CBFA2T3: variants seen among roughly 807,000 people sequenced by gnomAD.
CBFA2T3 encodes the protein CBFA2/RUNX1 partner transcriptional co-repressor 3.
CBFA2T3 carries 31 observed loss-of-function variants against 58.6 expected under a neutral mutation model. The observed-to-expected ratio is 0.53, with a 90% CI of 0.40 to 0.71. The LOEUF (loss-of-function observed/expected upper bound fraction) is 0.71, where lower values mean the gene tolerates loss of function less well. CBFA2T3 is among the 30% of genes least tolerant of loss of function. The pLI is 0.00. For missense variants in CBFA2T3, 1,076 were observed against 963.1 expected (o/e 1.12, Z -1.55); for synonymous variants, 531 against 421.9 (o/e 1.26, Z -3.17).
intron 1 of CBFA2T3, among the ~76,000 whole-genome samples, chr16:88,916,129 C>T (rs1970712806): frequency 6.7e-6 from 1 of 149,958 alleles, no homozygotes; most frequent in African/African-American, 2.5e-5. Context: ...TGTGTGCACT[C>T]ACGTGTACAT....
chr16:88,880,917 T>C, intron 9 of CBFA2T3, 129 bp from the exon 10 acceptor site: 2 of 866,546 alleles, frequency 2.3e-6, no homozygotes, highest in Non-Finnish European at 3.7e-6. Context: ...GAGGCCCAGG[T>C]GCCCTCGGAC....
At position 88,976,850 on chromosome 16, in the gene CBFA2T3, G is replaced by C. The variant is rs992187942; in HGVS notation, c.-43C>G. ...GGGGCCAACCTGGAGCCCAGGACAG[G>C]CCTCTACCAGGACTGCCTTTCCCGA... On this transcript the variant is annotated 5_prime_UTR_variant, in exon 1 of 12. Transcript: ENST00000268679. The C allele has an allele frequency of 2.0e-6, 3 of 1,522,530 alleles. No individual in the cohort carries two copies. Among genetic ancestry groups the C allele is most frequent in the Middle Eastern group, 1.7e-4 (1 of 5,876 alleles). 94.3% of individuals were successfully genotyped at this position (1,522,530 alleles called of 1,614,324 possible). A position where few individuals can be genotyped will look rare whatever the true frequency, so the allele number is the denominator to read the frequency against.
In CBFA2T3 at chr16:88,921,680, G is replaced by A. The variant is rs1302035614; in HGVS notation, c.152-20024C>T. Among the ~76,000 whole-genome samples, 4 of 152,356 alleles carry A rather than the reference G, an allele frequency of 2.6e-5. No individual in the cohort carries two copies. The East Asian group carries it at 7.7e-4, about 29-fold the overall frequency. ...TAAGGCTGGGGTGGTAGGAGGATAAGAGTCACCCTAAACAGGACCCCTGGG... is the reference window on the plus strand; with the variant it reads ...TAAGGCTGGGGTGGTAGGAGGATAAAAGTCACCCTAAACAGGACCCCTGGG... On this transcript the variant is annotated intron_variant, in intron 1 of 11. Transcript: ENST00000268679.
At chr16:88,904,888 C>G (rs535214206) in intron 1 of CBFA2T3, among the ~76,000 whole-genome samples, 1 of 152,154 alleles carries the variant, frequency 6.6e-6, no homozygotes, top group Non-Finnish European at 1.5e-5. Context: ...AGGAAGATGA[C>G]GCGGAGTTCC....
rs1400097010 is a variant in CBFA2T3, at chr16:88,976,966, C to T, written c.-159G>A. The T allele has an allele frequency of 1.4e-5, 11 of 808,616 alleles. No individual in the cohort carries two copies. Among genetic ancestry groups the T allele is most frequent in the South Asian group, 8.0e-5 (4 of 49,690 alleles). 50.1% of individuals were successfully genotyped at this position (808,616 alleles called of 1,614,324 possible). ...TGTCCCTGGAAAGCCGAGGCCCTCC[C>T]GGCCACCAACTGGGTGTCCTCTGCC... On this transcript the variant is annotated 5_prime_UTR_variant, in exon 1 of 12. Transcript: ENST00000268679.
At chr16:88,927,645 AG>A (rs1282850159) in intron 1 of CBFA2T3, among the ~76,000 whole-genome samples, 3 of 152,110 alleles carry the variant, frequency 2.0e-5, no homozygotes, top group South Asian at 4.1e-4. Context: ...CTGCAGCTGT[AG>A]GGGGGTTCAG....
At chr16:88,891,073 T>C (rs1969610841) in intron 5 of CBFA2T3, among the ~76,000 whole-genome samples, 1 of 152,142 alleles carries the variant, frequency 6.6e-6, no homozygotes, top group Non-Finnish European at 1.5e-5. Flanking sequence ...CCACGGTTGA[T>C]CTGGGTGTGA....
At chr16:88,976,256 A>G (rs1972857805) in intron 1 of CBFA2T3, among the ~76,000 whole-genome samples, 1 of 151,966 alleles carries the variant, frequency 6.6e-6, no homozygotes, top group African/African-American at 2.4e-5. Context: ...TCCTCATCCA[A>G]CCTGCTGTGA....
intron 2 of CBFA2T3, 25 bp from the exon 3 acceptor site, chr16:88,898,177 G>A (rs960371069): frequency 5.1e-6 from 8 of 1,575,342 alleles, no homozygotes; most frequent in Admixed American, 3.3e-5. Flanking sequence ...AGAAGAACAC[G>A]CTGTCAGGAG....
intron 1 of CBFA2T3, among the ~76,000 whole-genome samples, chr16:88,974,654 C>T (rs1972748758): frequency 6.6e-6 from 1 of 152,210 alleles, no homozygotes; most frequent in African/African-American, 2.4e-5. Flanking sequence ...AGCCAATCGG[C>T]CTGTTTTCAG....
At chr16:88,956,206 C>A (rs915905833) in intron 1 of CBFA2T3, among the ~76,000 whole-genome samples, 1 of 152,282 alleles carries the variant, frequency 6.6e-6, no homozygotes. Context: ...TGTAGAGCCT[C>A]CAGACAGAAT....
chr16:88,888,338 A>G (rs1431063163), intron 5 of CBFA2T3, among the ~76,000 whole-genome samples: 2 of 147,280 alleles, frequency 1.4e-5, no homozygotes, highest in Non-Finnish European at 3.0e-5. Flanking sequence ...CCCAGGCCAC[A>G]GTCAGGAACA....
intron 1 of CBFA2T3, among the ~76,000 whole-genome samples, chr16:88,932,826 G>A (rs1423488119): frequency 7.6e-6 from 1 of 132,058 alleles, no homozygotes; most frequent in Non-Finnish European, 1.6e-5. Context: ...AAAAAAAGCC[G>A]GGTGCAGTGG....
intron 5 of CBFA2T3, among the ~76,000 whole-genome samples, chr16:88,891,555 G>A (rs1406640716): frequency 2.0e-5 from 3 of 152,206 alleles, no homozygotes; most frequent in African/African-American, 7.2e-5. Context: ...CGTGGAGTGA[G>A]CGAGCACATT....
At chr16:88,945,683 G>C (rs913151131) in intron 1 of CBFA2T3, among the ~76,000 whole-genome samples, 1 of 152,178 alleles carries the variant, frequency 6.6e-6, no homozygotes, top group African/African-American at 2.4e-5. Context: ...TGCCGGTGAG[G>C]ATGTGAGGCA....
rs2142846411 is a variant in CBFA2T3 at position 88,953,761 on chromosome 16, G to A, written c.151+22896C>T. ...TTACTCCCGGGAAAATAAACATTTG[G>A]GTTTATTTCGCTGTGACTGCACCCC... is the stretch of plus-strand genomic sequence containing the variant. On this transcript the variant is annotated intron_variant, in intron 1 of 11. Coordinates refer to ENST00000268679, the MANE Select transcript of CBFA2T3 (RefSeq NM_005187.6). The surrounding 1 kb of genome is among the most constrained non-coding windows in gnomAD (Gnocchi z 4.9). Among the ~76,000 whole-genome samples, 1 of 152,226 alleles carries A rather than the reference G, an allele frequency of 6.6e-6. No homozygotes were observed. The highest frequency in any genetic ancestry group is 1.5e-5 in the Non-Finnish European group (1 of 68,000).
At chr16:88,901,361 G>C in intron 2 of CBFA2T3, 143 bp downstream of exon 2, 1 of 511,338 alleles carries the variant, frequency 2.0e-6, no homozygotes, top group Non-Finnish European at 3.4e-6. Flanking sequence ...GGCCAAGCCT[G>C]GGCTCTGGGC....
At position 88,885,391 on chromosome 16, in the gene CBFA2T3, C is replaced by G; in HGVS notation, c.894-122G>C. 4.7e-6 allele frequency: 3 copies of G among 631,948 alleles called. No homozygotes were observed. The highest frequency in any genetic ancestry group is 5.3e-5 in the South Asian group (2 of 37,756). The allele number at this position is 631,948 out of a possible 1,614,324, so 39.1% of individuals were successfully genotyped here. On this transcript the variant is annotated intron_variant, in intron 6 of 11. Coordinates refer to ENST00000268679, the MANE Select transcript of CBFA2T3 (RefSeq NM_005187.6). This position sits in a 1 kb window ranked among gnomAD's most constrained non-coding sequence, Gnocchi z 5.3. ...AGAAAGAGGACACGTAAGGGCGAGA[C>G]AGAAACACGGAGCAAAACACCAGCC...
intron 5 of CBFA2T3, among the ~76,000 whole-genome samples, chr16:88,890,894 T>A (rs1969604141): frequency 6.6e-6 from 1 of 152,136 alleles, no homozygotes. Context: ...TTATATTTTT[T>A]GTAGAGATGG....
Sources: allele counts gnomAD v4.1 joint callset (sites outside exome capture counted in the v4.1 genomes callset), GRCh38; gene constraint gnomAD v4.1.1; non-coding constraint Gnocchi (gnomAD v3.1); transcripts MANE v1.5; gene names NCBI Gene and HGNC (gene_info 2026-07-23, HGNC 2026-07-21).